The following UCK2 variants were observed in gnomAD, a reference collection of about 807,000 sequenced individuals.
The protein encoded by UCK2 is uridine-cytidine kinase 2, also known as cytidine monophosphokinase 2.
Under a neutral mutation model 30.8 loss-of-function variants are expected in UCK2, and 6 were observed. The observed-to-expected ratio is 0.19, with a 90% CI of 0.11 to 0.38. The LOEUF (loss-of-function observed/expected upper bound fraction) is 0.38, where lower values mean the gene tolerates loss of function less well. Ranked by LOEUF, UCK2 falls within the 10% of genes least tolerant of loss-of-function variation. The probability of loss-of-function intolerance (pLI) is 1.00; values close to 1 mark genes in which losing one functional copy is unlikely to be tolerated. For synonymous variants in UCK2, 125 were observed against 133.6 expected (o/e 0.94, Z 0.45); for missense variants, 210 against 339.8 (o/e 0.62, Z 3.00).
intron 4 of UCK2, chr1:165,902,592 A>AAT (rs1647513972): frequency 1.1e-4 from 5 of 45,758 alleles, no homozygotes; most frequent in African/African-American, 3.3e-4. Flanking sequence ...TCACTGAGTG[A>AAT]TTTTTTTTTT....
chr1:165,843,980 T>C (rs1222617185), intron 1 of UCK2, among the ~76,000 whole-genome samples: 1 of 152,256 alleles, frequency 6.6e-6, no homozygotes, highest in Non-Finnish European at 1.5e-5. Flanking sequence ...TCCCGAGCAC[T>C]AACTATATAC....
chr1:165,875,838 C>T lies in UCK2; in HGVS notation c.100-14366C>T, dbSNP rs142660574. Among the ~76,000 whole-genome samples, 73 of 152,274 alleles carry T rather than the reference C, an allele frequency of 4.8e-4. No homozygotes were observed. The East Asian group carries it at 5.6e-3, about 12-fold the overall frequency. On this transcript the variant is annotated intron_variant, in intron 1 of 6. Coordinates refer to ENST00000367879, the MANE Select transcript of UCK2 (RefSeq NM_012474.5). ...AGGAACCTCCAGGTGTTCAGCTATC[C>T]GGAAACTCCCTGTACCCAGCTTTCT... is the stretch of plus-strand genomic sequence containing the variant.
At chr1:165,833,161 C>T (rs1403105346) in intron 1 of UCK2, among the ~76,000 whole-genome samples, 2 of 152,174 alleles carry the variant, frequency 1.3e-5, no homozygotes, top group African/African-American at 2.4e-5. Context: ...AGCCAGATCA[C>T]GTATTCCACA....
intron 1 of UCK2, among the ~76,000 whole-genome samples, chr1:165,852,842 A>G (rs986074790): frequency 1.3e-5 from 2 of 152,358 alleles, no homozygotes; most frequent in South Asian, 4.1e-4. Context: ...AATAGATAGC[A>G]TGGGAAGTGT....
chr1:165,831,773 T>C (rs1386293112), intron 1 of UCK2, among the ~76,000 whole-genome samples: 1 of 152,184 alleles, frequency 6.6e-6, no homozygotes, highest in African/African-American at 2.4e-5. Context: ...TTTTTTATTT[T>C]ATTTTTTATT....
intron 1 of UCK2, among the ~76,000 whole-genome samples, chr1:165,835,781 C>A (rs140909016): frequency 6.6e-6 from 1 of 152,098 alleles, no homozygotes; most frequent in African/African-American, 2.4e-5. Context: ...AATTTAATTT[C>A]ATTTATTTTT....
chr1:165,875,275 T>C (rs1348867687), intron 1 of UCK2, among the ~76,000 whole-genome samples: 1 of 152,176 alleles, frequency 6.6e-6, no homozygotes, highest in Non-Finnish European at 1.5e-5. Context: ...GAGATATCAC[T>C]GGTATGTTAG....
chr1:165,838,754 T>A (rs1654257720), intron 1 of UCK2, among the ~76,000 whole-genome samples: 1 of 151,000 alleles, frequency 6.6e-6, no homozygotes, highest in Non-Finnish European at 1.5e-5. Flanking sequence ...AGTGGTGCAT[T>A]AAAAAAAATC....
At chr1:165,904,537 G>A (rs73031469) in intron 5 of UCK2, among the ~76,000 whole-genome samples, 9,738 of 152,246 alleles carry the variant, frequency 0.064, 1,017 homozygotes, top group African/African-American at 0.22. Context: ...ATATTTAACT[G>A]TCAGTTTTCT....
intron 1 of UCK2, among the ~76,000 whole-genome samples, chr1:165,886,195 A>G (rs906799973): frequency 7.2e-5 from 11 of 152,174 alleles, no homozygotes; most frequent in Admixed American, 6.5e-5. Context: ...GCCCACTGTA[A>G]CAGTTGTACC....
At chr1:165,846,741 T>C (rs1360883581) in intron 1 of UCK2, among the ~76,000 whole-genome samples, 2 of 152,220 alleles carry the variant, frequency 1.3e-5, no homozygotes, top group Admixed American at 1.3e-4. Context: ...GCAACAAGGA[T>C]CCTGGAAGCT....
chr1:165,890,385 GT>G (rs1655735671), intron 2 of UCK2, 22 bp downstream of exon 2: 1 of 1,611,014 alleles, frequency 6.2e-7, no homozygotes, highest in Non-Finnish European at 8.5e-7. Flanking sequence ...ATTGAAGGGG[GT>G]ATGTATCTGT....
chr1:165,891,251 C>G lies in UCK2; in HGVS notation c.285C>G (p.Leu95=), dbSNP rs750352870. The part of the protein sequence containing the change: ...HPDAFDNELI[L]KTLKEITEGK... ...ATGCCTTTGACAATGAACTCATTCT[C>G]AAAACACTCAAAGAAATCACTGAAG... Residue 95 remains leucine, a synonymous_variant, in exon 3 of 7, where the codon CTC becomes CTG. Coordinates refer to ENST00000367879, the MANE Select transcript of UCK2 (RefSeq NM_012474.5). 8 of 1,614,060 alleles carry G rather than the reference C, an allele frequency of 5.0e-6. No homozygotes were observed. The highest frequency in any genetic ancestry group is 1.7e-5 in the Admixed American group (1 of 60,010).
chr1:165,888,982 AAG>A (rs1491352367), intron 1 of UCK2, among the ~76,000 whole-genome samples: 3 of 152,204 alleles, frequency 2.0e-5, no homozygotes, highest in Non-Finnish European at 2.9e-5. Flanking sequence ...TGAAGGGAAA[AAG>A]GGGCAGACAC....
intron 3 of UCK2, chr1:165,895,634 G>C: frequency 1.0e-6 from 1 of 985,668 alleles, no homozygotes; most frequent in Non-Finnish European, 1.2e-6. Flanking sequence ...CCTCACAAAT[G>C]CTTTCTCGTC....
At chr1:165,879,252 A>G (rs1239852222) in intron 1 of UCK2, among the ~76,000 whole-genome samples, 1 of 152,052 alleles carries the variant, frequency 6.6e-6, no homozygotes, top group African/African-American at 2.4e-5. Flanking sequence ...TTGCAAATGT[A>G]TTCTCCCAGC....
At chr1:165,898,717 G>A (rs1647355405) in intron 4 of UCK2, among the ~76,000 whole-genome samples, 1 of 152,200 alleles carries the variant, frequency 6.6e-6, no homozygotes, top group Non-Finnish European at 1.5e-5. Context: ...ATCACGGTGT[G>A]GTTTCAACAG....
Position 165,882,283 on chromosome 1 carries a change from GGCA to G in UCK2, c.100-7918_100-7916del, listed in dbSNP as rs112173404. On this transcript the variant is annotated intron_variant, in intron 1 of 6. Coordinates refer to ENST00000367879, the MANE Select transcript of UCK2 (RefSeq NM_012474.5). Reference sequence around the variant, plus strand: ...TACTTGTGGTTCCTGTGATAATTAAGGCAGCCTGTTGGACCAGGACAAAGGATT... The same window carrying G: ...TACTTGTGGTTCCTGTGATAATTAAGGCCTGTTGGACCAGGACAAAGGATT... Among the ~76,000 whole-genome samples the G allele has an allele frequency of 2.5e-4, 38 of 152,292 alleles. 1 individual carries two copies. Among genetic ancestry groups the G allele is most frequent in the African/African-American group, 8.9e-4 (37 of 41,546 alleles).
At chr1:165,876,127 G>T (rs1021696943) in intron 1 of UCK2, among the ~76,000 whole-genome samples, 1 of 152,224 alleles carries the variant, frequency 6.6e-6, no homozygotes, top group South Asian at 2.1e-4. Flanking sequence ...TTAGGACATT[G>T]TAGTAGGTGG....
Sources: allele counts gnomAD v4.1 joint callset (sites outside exome capture counted in the v4.1 genomes callset), GRCh38; gene constraint gnomAD v4.1.1; transcripts MANE v1.5; gene names NCBI Gene and HGNC (gene_info 2026-07-23, HGNC 2026-07-21).